Variants in ZMYND12 observed in about 807,000 individuals in gnomAD.
ZMYND12 encodes the protein zinc finger MYND-type containing 12.
ZMYND12 carries 32 observed loss-of-function variants against 41.7 expected under a neutral mutation model. The observed-to-expected ratio is 0.77, with a 90% CI of 0.58 to 1.03. The LOEUF (loss-of-function observed/expected upper bound fraction) is 1.03, where lower values mean the gene tolerates loss of function less well. ZMYND12 is among the 50% of genes least tolerant of loss of function. The probability of loss-of-function intolerance (pLI) is 0.00; values close to 1 mark genes in which losing one functional copy is unlikely to be tolerated. For synonymous variants in ZMYND12, 148 were observed against 164.8 expected, an observed-to-expected ratio of 0.90 and a Z score of 0.78; for missense variants, 424 against 438.5, an observed-to-expected ratio of 0.97 and a Z score of 0.30.
At chr1:42,434,517 C>T (rs544880819) in intron 6 of ZMYND12, among the ~76,000 whole-genome samples, 175 of 152,150 alleles carry the variant, frequency 1.2e-3, no homozygotes, top group African/African-American at 4.0e-3. Flanking sequence ...GTGGTAGGGG[C>T]GAGTAAAGCT....
chr1:42,430,885 G>A (rs1642841807), intron 7 of ZMYND12, 27 bp from the exon 8 acceptor site: 4 of 1,612,726 alleles, frequency 2.5e-6, no homozygotes, highest in African/African-American at 1.3e-5. Context: ...GTGACAAAAG[G>A]AAGTTGTCAC....
Position 42,437,440 on chromosome 1 carries a change from C to CTGTGTGTGTGTGTGTG in ZMYND12, c.595-913_595-898dup, listed in dbSNP as rs113850227. 4.9e-3 allele frequency among the ~76,000 whole-genome samples: 712 copies of CTGTGTGTGTGTGTGTG among 144,474 alleles called. 5 individuals are homozygous for CTGTGTGTGTGTGTGTG. Among genetic ancestry groups the CTGTGTGTGTGTGTGTG allele is most frequent in the Middle Eastern group, 0.017 (5 of 286 alleles). 94.8% of individuals were successfully genotyped at this position (144,474 alleles called of 152,430 possible). On this transcript the variant is annotated intron_variant, in intron 4 of 7. Transcript: ENST00000372565. ...TTTTATGGTATATATCAATAAAGCT[C>CTGTGTGTGTGTGTGTG]TGTGTGTGTGTGTGTGTGTGTGTGT...
chr1:42,452,840 G>C (rs1268971445), intron 1 of ZMYND12, among the ~76,000 whole-genome samples: 1 of 152,194 alleles, frequency 6.6e-6, no homozygotes, highest in Non-Finnish European at 1.5e-5. Flanking sequence ...AATGTATTCA[G>C]AGAAAAGAAG....
At chr1:42,455,453 T>C (rs887160099) in intron 1 of ZMYND12, among the ~76,000 whole-genome samples, 1 of 152,256 alleles carries the variant, frequency 6.6e-6, no homozygotes, top group Non-Finnish European at 1.5e-5. Context: ...TTGTATTTTT[T>C]AGTAGAGACA....
At chr1:42,455,216 A>T (rs1643144575) in intron 1 of ZMYND12, among the ~76,000 whole-genome samples, 1 of 152,214 alleles carries the variant, frequency 6.6e-6, no homozygotes, top group Non-Finnish European at 1.5e-5. Context: ...TGTACACAGC[A>T]GGTTCTGACT....
rs1642840715 is a variant in ZMYND12, at chr1:42,430,799, A to G, written c.1035T>C (p.His345=). ...ATAACTCTTGAATGGTGCTTTGCTCATGGACATCAAGCTGTTGTTCTTTGG... is the reference window on the plus strand; with the variant it reads ...ATAACTCTTGAATGGTGCTTTGCTCGTGGACATCAAGCTGTTGTTCTTTGG... The part of the protein sequence containing the change: ...SLAKEQQLDV[H]EQSTIQELLS... Residue 345 remains histidine, a synonymous_variant, in exon 8 of 8, where the codon CAT becomes CAC. Coordinates refer to ENST00000372565, the MANE Select transcript of ZMYND12 (RefSeq NM_032257.5). 6.2e-7 allele frequency: 1 copy of G among 1,614,194 alleles called. No homozygotes were observed. Among genetic ancestry groups the G allele is most frequent in the Non-Finnish European group, 8.5e-7 (1 of 1,180,022 alleles).
At chr1:42,450,666 G>A (rs1000987071) in intron 1 of ZMYND12, among the ~76,000 whole-genome samples, 5 of 152,098 alleles carry the variant, frequency 3.3e-5, no homozygotes, top group Non-Finnish European at 7.4e-5. Flanking sequence ...GAAATGCTAG[G>A]TTACTGATTT....
chr1:42,439,811 T>C (rs373778631), intron 4 of ZMYND12, 45 bp downstream of exon 4: 1 of 1,529,330 alleles, frequency 6.5e-7, no homozygotes, highest in Admixed American at 2.2e-5. Context: ...GGTGTTATAA[T>C]TTAGATTTTG....
chr1:42,455,787 A>G lies in ZMYND12; in HGVS notation c.110+101T>C. 1.2e-5 allele frequency: 10 copies of G among 858,220 alleles called. No homozygotes were observed. The Middle Eastern group carries it at 9.1e-4, about 78-fold the overall frequency. 53.2% of individuals were successfully genotyped at this position (858,220 alleles called of 1,614,324 possible). ...AAAGCCGTTTTGAGGTGTCCCTTGC[A>G]GAGTCAGGGGCAACGGCTAACGCAA... On this transcript the variant is annotated intron_variant, in intron 1 of 7. Coordinates refer to ENST00000372565, the MANE Select transcript of ZMYND12 (RefSeq NM_032257.5).
intron 1 of ZMYND12, among the ~76,000 whole-genome samples, chr1:42,451,854 C>T (rs563182021): frequency 1.3e-5 from 2 of 152,246 alleles, no homozygotes; most frequent in South Asian, 4.2e-4. Context: ...AACTTTTGTT[C>T]CACTGAGAGC....
intron 1 of ZMYND12, 72 bp downstream of exon 1, chr1:42,455,816 A>G: frequency 1.6e-6 from 2 of 1,238,020 alleles, no homozygotes; most frequent in South Asian, 2.8e-5. Context: ...AACGCAAGGT[A>G]CCCAAGCCAG....
intron 4 of ZMYND12, among the ~76,000 whole-genome samples, chr1:42,438,753 C>T (rs1010852166): frequency 6.6e-5 from 10 of 152,084 alleles, no homozygotes; most frequent in Admixed American, 1.3e-4. Context: ...ATTTAATTTA[C>T]GGGCATTGTA....
At chr1:42,433,097 AT>A (rs1489164538) in intron 7 of ZMYND12, 45 bp downstream of exon 7, 1 of 1,601,090 alleles carries the variant, frequency 6.2e-7, no homozygotes, top group Admixed American at 1.8e-5. Flanking sequence ...AACTAGTTGA[AT>A]TTCTACCTTC....
chr1:42,448,911 T>A (rs1643051807), intron 2 of ZMYND12, among the ~76,000 whole-genome samples: 1 of 152,268 alleles, frequency 6.6e-6, no homozygotes, highest in Admixed American at 6.5e-5. Flanking sequence ...ATCAGATGAA[T>A]AAATGAGTAT....
At position 42,430,332 on chromosome 1, in the gene ZMYND12, G is replaced by T. The variant is rs1303239855; in HGVS notation, c.*404C>A. Reference sequence around the variant, plus strand: ...ATGGAATTAAGAATAGAGAAACTTTGTTCCAATATAGCTTTATTCCCTACC... The same window carrying T: ...ATGGAATTAAGAATAGAGAAACTTTTTTCCAATATAGCTTTATTCCCTACC... On this transcript the variant is annotated 3_prime_UTR_variant, in exon 8 of 8. Coordinates refer to ENST00000372565, the MANE Select transcript of ZMYND12 (RefSeq NM_032257.5). 6.2e-6 allele frequency: 1 copy of T among 162,596 alleles called. No individual in the cohort carries two copies. The highest frequency in any genetic ancestry group is 1.3e-5 in the Non-Finnish European group (1 of 74,222). The allele number at this position is 162,596 out of a possible 1,614,324, so 10.1% of individuals were successfully genotyped here.
At chr1:42,441,498 A>C (rs1257862182) in intron 3 of ZMYND12, among the ~76,000 whole-genome samples, 1 of 152,248 alleles carries the variant, frequency 6.6e-6, no homozygotes, top group Non-Finnish European at 1.5e-5. Flanking sequence ...TAAATTACTT[A>C]TAATACCTAA....
At chr1:42,435,495 T>C in intron 5 of ZMYND12, 110 bp from the exon 6 acceptor site, 1 of 814,022 alleles carries the variant, frequency 1.2e-6, no homozygotes, top group Non-Finnish European at 2.1e-6. Flanking sequence ...ACCTGGAGGT[T>C]CTCTCTCTTA....
intron 4 of ZMYND12, 145 bp from the exon 5 acceptor site, chr1:42,436,688 C>T (rs1642912365): frequency 1.0e-6 from 1 of 968,558 alleles, no homozygotes; most frequent in Non-Finnish European, 1.5e-6. Flanking sequence ...GACATTTCTC[C>T]AAAAAGATAT....
intron 3 of ZMYND12, among the ~76,000 whole-genome samples, chr1:42,444,676 T>G (rs59024695): frequency 0.18 from 27,212 of 152,090 alleles, 2,643 homozygotes; most frequent in African/African-American, 0.24. Flanking sequence ...TCCGTGATAA[T>G]TAAGAATAGA....
Sources: gnomAD v4.1 joint callset for allele counts (sites outside exome capture counted in the v4.1 genomes callset) on GRCh38, gnomAD v4.1.1 for gene constraint, MANE v1.5 for transcripts, NCBI Gene and HGNC (gene_info 2026-07-23, HGNC 2026-07-21) for gene names.